Variants in KLF12 observed in about 807,000 individuals in gnomAD.
The protein encoded by KLF12 is KLF transcription factor 12.
Under a neutral mutation model 37.8 loss-of-function variants are expected in KLF12, and 9 were observed. That is an observed-to-expected ratio of 0.24 (90% CI 0.14 to 0.42). The LOEUF (loss-of-function observed/expected upper bound fraction) is 0.42. Among genes scored for constraint, KLF12 ranks in the 10% least tolerant of loss-of-function variants. The probability of loss-of-function intolerance (pLI) is 1.00; values close to 1 mark genes in which losing one functional copy is unlikely to be tolerated. For missense variants in KLF12, 411 were observed against 516.0 expected (o/e 0.80, Z 1.97); for synonymous variants, 208 against 202.1 (o/e 1.03, Z -0.25).
At chr13:73,822,879 C>T (rs1283806128) in intron 4 of KLF12, among the ~76,000 whole-genome samples, 1 of 152,222 alleles carries the variant, frequency 6.6e-6, no homozygotes, top group Non-Finnish European at 1.5e-5. Context: ...CACCACACCA[C>T]TATTCCCCAT....
intron 3 of KLF12, among the ~76,000 whole-genome samples, chr13:73,924,982 G>A (rs904302642): frequency 1.3e-5 from 2 of 152,194 alleles, no homozygotes; most frequent in African/African-American, 4.8e-5. Context: ...ATGAGGCTGA[G>A]AGAGATGATA....
rs1873626645 is a variant in KLF12 at position 73,688,482 on chromosome 13, G to A, written c.*7008C>T. The A allele has an allele frequency of 6.6e-6, 1 of 152,130 alleles. No individual in the cohort carries two copies. The highest frequency in any genetic ancestry group is 2.4e-5 in the African/African-American group (1 of 41,434). The allele number at this position is 152,130 out of a possible 1,614,324, so 9.4% of individuals were successfully genotyped here. On this transcript the variant is annotated 3_prime_UTR_variant, in exon 8 of 8. Coordinates refer to ENST00000377669, the MANE Select transcript of KLF12 (RefSeq NM_007249.5). ...GGGGGTGAAAATTTCAAATGCATCT[G>A]AAGCAGATTCTAGAATGTCTATATT...
intron 6 of KLF12, among the ~76,000 whole-genome samples, chr13:73,738,415 G>A (rs1249660642): frequency 1.3e-5 from 2 of 151,656 alleles, no homozygotes; most frequent in Non-Finnish European, 2.9e-5. Flanking sequence ...GCCTCCCAAA[G>A]TGTTTGGATT....
chr13:73,813,425 G>A (rs1883049419), intron 4 of KLF12, 138 bp from the exon 5 acceptor site: 1 of 935,078 alleles, frequency 1.1e-6, no homozygotes, highest in East Asian at 2.5e-5. Context: ...ATCAGTGAAA[G>A]CTCCAGGTTT....
At chr13:74,093,650 G>A (rs1329963570) in intron 1 of KLF12, among the ~76,000 whole-genome samples, 1 of 151,718 alleles carries the variant, frequency 6.6e-6, no homozygotes. Flanking sequence ...GTCTGATTCT[G>A]AAGCTTTCCA....
At chr13:74,217,701 TG>T in the KLF12 span, among the ~76,000 whole-genome samples, 67 of 152,326 alleles carry the variant, frequency 4.4e-4, no homozygotes, top group African/African-American at 1.5e-3. Context: ...CACTCCAGCC[TG>T]GGCGACAGAG....
the KLF12 span, among the ~76,000 whole-genome samples, chr13:74,149,364 C>A: frequency 6.6e-6 from 1 of 152,124 alleles, no homozygotes; most frequent in Admixed American, 6.5e-5. Context: ...AAATCTATTC[C>A]TTGTAATCTT....
intron 2 of KLF12, among the ~76,000 whole-genome samples, chr13:73,959,328 T>C (rs1245099638): frequency 2.0e-5 from 3 of 152,000 alleles, no homozygotes; most frequent in Non-Finnish European, 2.9e-5. Context: ...CCATATATGA[T>C]GGTATTTTCT....
chr13:74,198,962 G>A, the KLF12 span, among the ~76,000 whole-genome samples: 6 of 152,292 alleles, frequency 3.9e-5, no homozygotes, highest in South Asian at 1.2e-3. Flanking sequence ...AGGGCAGGTG[G>A]CTTAACCAGA....
At chr13:74,256,154 C>CAAAAAAAAAAAA in the KLF12 span, among the ~76,000 whole-genome samples, 1 of 75,616 alleles carries the variant, frequency 1.3e-5, no homozygotes, top group Non-Finnish European at 2.9e-5. Flanking sequence ...GACTCTGTCT[C>CAAAAAAAAAAAA]AAAAAAAAAA....
At chr13:73,985,359 C>G (rs992387403) in intron 2 of KLF12, among the ~76,000 whole-genome samples, 48 of 152,150 alleles carry the variant, frequency 3.2e-4, no homozygotes, top group African/African-American at 1.1e-3. Flanking sequence ...TTCCAACTCT[C>G]AGTTAAAAAG....
At chr13:73,884,432 A>G (rs767799932) in intron 3 of KLF12, among the ~76,000 whole-genome samples, 1 of 152,222 alleles carries the variant, frequency 6.6e-6, no homozygotes, top group Non-Finnish European at 1.5e-5. Context: ...ACATTCAATA[A>G]AAGAAAAGAC....
intron 1 of KLF12, among the ~76,000 whole-genome samples, chr13:74,053,117 T>C (rs1382628484): frequency 6.6e-6 from 1 of 152,212 alleles, no homozygotes; most frequent in Non-Finnish European, 1.5e-5. Context: ...TTTCAATACT[T>C]GCTGTAATAA....
At chr13:74,276,255 T>A in the KLF12 span, among the ~76,000 whole-genome samples, 1 of 152,054 alleles carries the variant, frequency 6.6e-6, no homozygotes, top group Non-Finnish European at 1.5e-5. Flanking sequence ...TGTGTTAGTT[T>A]GCTGAGAATG....
chr13:73,914,998 G>A (rs1463647342), intron 3 of KLF12, among the ~76,000 whole-genome samples: 3 of 152,176 alleles, frequency 2.0e-5, no homozygotes, highest in Non-Finnish European at 4.4e-5. Context: ...CTGGAAGCCT[G>A]AAGTCCAAAA....
upstream of KLF12, among the ~76,000 whole-genome samples, chr13:74,135,582 G>A (rs1373365028): frequency 6.6e-6 from 1 of 151,308 alleles, no homozygotes; most frequent in East Asian, 2.0e-4. Context: ...GAGCAGACGG[G>A]GCGGAAGCGG....
chr13:74,155,474 G>T, the KLF12 span, among the ~76,000 whole-genome samples: 2 of 151,926 alleles, frequency 1.3e-5, no homozygotes, highest in South Asian at 4.2e-4. Context: ...CAATTCTCCT[G>T]CCTCAGCATC....
the KLF12 span, among the ~76,000 whole-genome samples, chr13:74,200,285 T>A: frequency 6.6e-6 from 1 of 152,086 alleles, no homozygotes; most frequent in Admixed American, 6.6e-5. Flanking sequence ...GATTCAGGCA[T>A]ACCAGAGGAT....
Position 73,871,137 on chromosome 13 carries a change from G to A in KLF12, c.124-24764C>T, listed in dbSNP as rs539731929. Among the ~76,000 whole-genome samples, 5 of 152,256 alleles carry A rather than the reference G, an allele frequency of 3.3e-5. No individual in the cohort carries two copies. In the East Asian group the frequency reaches 9.7e-4, roughly 29 times the overall value. ...GTCAGAAGGAGGAAATGAGAGGGAG[G>A]TCATCTTGCTGGTTTGGTTGCCAGC... On this transcript the variant is annotated intron_variant, in intron 3 of 7. Transcript: ENST00000377669.
Sources: allele counts gnomAD v4.1 joint callset (sites outside exome capture counted in the v4.1 genomes callset), GRCh38; gene constraint gnomAD v4.1.1; transcripts MANE v1.5; gene names NCBI Gene and HGNC (gene_info 2026-07-23, HGNC 2026-07-21).